The following TSEN54 variants were observed in gnomAD, a reference collection of about 807,000 sequenced individuals.
TSEN54 encodes the protein tRNA splicing endonuclease subunit 54.
A neutral mutation model predicts 61.9 loss-of-function variants in TSEN54; 55 were observed. That is an observed-to-expected ratio of 0.89 (90% CI 0.72 to 1.11). The LOEUF is 1.11. TSEN54 is among the 50% of genes most tolerant of loss of function. TSEN54 has a pLI of 0.00. For synonymous variants in TSEN54, 304 were observed against 288.7 expected (o/e 1.05, Z -0.54); for missense variants, 760 against 687.7 (o/e 1.11, Z -1.18).
Position 75,524,206 on chromosome 17 carries a change from C to G in TSEN54, c.1431-56C>G, listed in dbSNP as rs2053472871. 4 of 1,612,438 alleles carry G rather than the reference C, an allele frequency of 2.5e-6. No homozygotes were observed. In the East Asian group the frequency reaches 8.9e-5, roughly 36 times the overall value. On this transcript the variant is annotated intron_variant, in intron 10 of 10. Coordinates refer to ENST00000333213, the MANE Select transcript of TSEN54 (RefSeq NM_207346.3). ...CCGTAGAATCTCTTCTCTGGGAGCC[C>G]TAGAGCTTAGGAGTGGGCTATGGCT...
chr17:75,520,673 A>T (rs1598476536), intron 6 of TSEN54, among the ~76,000 whole-genome samples: 1 of 152,034 alleles, frequency 6.6e-6, no homozygotes, highest in East Asian at 1.9e-4. Context: ...CACAGCCAGG[A>T]GGCCAGGCAC....
At position 75,521,950 on chromosome 17, in the gene TSEN54, G is replaced by T. The variant is rs1568003356; in HGVS notation, c.869G>T (p.Gly290Val). Reference protein sequence around the residue: ...ESGRAENGVTGAGKRRWNFEQ... With the variant: ...ESGRAENGVTVAGKRRWNFEQ... The stretch of plus-strand genomic sequence containing the variant: ...GGCAGAGCCGAGAACGGAGTCACGG[G>T]AGCCGGTAAGCGGCGCTGGAACTTC... Residue 290 changes from glycine (G) to valine (V), a missense_variant, in exon 8 of 11, where the codon GGA (glycine) becomes GTA (valine). Physicochemically the swap from Gly to Val is moderately radical, Grantham distance 109. This residue lies in a region of TSEN54 where 667 missense variants were observed against 577.8 expected (regional missense o/e 1.15). Coordinates refer to ENST00000333213, the MANE Select transcript of TSEN54 (RefSeq NM_207346.3). 2.5e-6 allele frequency: 4 copies of T among 1,610,654 alleles called. No individual in the cohort carries two copies. Among genetic ancestry groups the T allele is most frequent in the Non-Finnish European group, 3.4e-6 (4 of 1,179,190 alleles).
intron 5 of TSEN54, chr17:75,518,771 C>T: frequency 9.1e-6 from 9 of 985,306 alleles, no homozygotes; most frequent in Non-Finnish European, 9.6e-6. Context: ...GGCTAAATGT[C>T]ATTTGTGCCG....
At chr17:75,518,466 G>A in intron 5 of TSEN54, 1 of 954,000 alleles carries the variant, frequency 1.0e-6, no homozygotes, top group Non-Finnish European at 1.2e-6. Flanking sequence ...GGTCTTTCAA[G>A]GAGGAAGTGG....
In TSEN54 at chr17:75,521,695, C is replaced by G. The variant is rs368876457; in HGVS notation, c.624-10C>G. 13 of 1,612,772 alleles carry G rather than the reference C, an allele frequency of 8.1e-6. No individual in the cohort carries two copies. Among genetic ancestry groups the G allele is most frequent in the South Asian group, 3.3e-5 (3 of 91,054 alleles). ...GGGCAGATGTGCTGCTTTTCCCCCACGTCCCTCAGGTCCATTAATAAGAAG... is the reference window on the plus strand; with the variant it reads ...GGGCAGATGTGCTGCTTTTCCCCCAGGTCCCTCAGGTCCATTAATAAGAAG... On this transcript the variant is annotated splice_polypyrimidine_tract_variant and intron_variant, in intron 7 of 10. Transcript: ENST00000333213.
intron 7 of TSEN54, 21 bp downstream of exon 7, chr17:75,521,531 G>T: frequency 3.1e-6 from 5 of 1,610,572 alleles, no homozygotes; most frequent in Non-Finnish European, 4.2e-6. Context: ...CATCACGGTG[G>T]CCCCCCAGGG....
In TSEN54 at chr17:75,519,175, G is replaced by T. The variant is rs181992494; in HGVS notation, c.521+128G>T. 5.7e-5 allele frequency: 60 copies of T among 1,049,882 alleles called. 1 individual carries two copies. In the East Asian group the frequency reaches 1.3e-3, roughly 22 times the overall value. The allele number at this position is 1,049,882 out of a possible 1,614,324, so 65.0% of individuals were successfully genotyped here. ...GAGTGCAGTTCCTTGGGCACAGACT[G>T]GGGGCGCCTGCTGGAAGCGTTCTGA... On this transcript the variant is annotated intron_variant, in intron 6 of 10. Coordinates refer to ENST00000333213, the MANE Select transcript of TSEN54 (RefSeq NM_207346.3).
chr17:75,518,677 T>C, intron 5 of TSEN54: 1 of 985,416 alleles, frequency 1.0e-6, no homozygotes, highest in Non-Finnish European at 1.2e-6. Flanking sequence ...GCAGCTTCAC[T>C]CCTATGAGCT....
chr17:75,521,690 C>T lies in TSEN54; in HGVS notation c.624-15C>T, dbSNP rs370862311. The T allele has an allele frequency of 1.7e-5, 27 of 1,612,644 alleles. No homozygotes were observed. In the African/African-American group the frequency reaches 3.2e-4, roughly 19 times the overall value. On this transcript the variant is annotated splice_polypyrimidine_tract_variant and intron_variant, in intron 7 of 10. Transcript: ENST00000333213. ...ACCAGGGGCAGATGTGCTGCTTTTC[C>T]CCCACGTCCCTCAGGTCCATTAATA...
At chr17:75,523,895 G>C (rs2053464546) in intron 10 of TSEN54, 116 bp downstream of exon 10, 1 of 1,188,792 alleles carries the variant, frequency 8.4e-7, no homozygotes, top group Non-Finnish European at 1.2e-6. Context: ...GGAACAGGAG[G>C]TCCAGAGAGG....
intron 10 of TSEN54, 86 bp from the exon 11 acceptor site, chr17:75,524,176 T>C: frequency 6.3e-7 from 1 of 1,591,524 alleles, no homozygotes; most frequent in South Asian, 1.1e-5. Flanking sequence ...GCACCCCAAC[T>C]CCTTCCGTAG....
rs141743615 is a variant in TSEN54, at chr17:75,523,738, G to T, written c.1389G>T (p.Lys463Asn). ...CCGACGCTGTGGCCACATTCCGAAAGAATAACCCTGGCAAACCCTATGCCC... is the reference window on the plus strand; with the variant it reads ...CCGACGCTGTGGCCACATTCCGAAATAATAACCCTGGCAAACCCTATGCCC... Reference protein sequence around the residue: ...YQADAVATFRKNNPGKPYARM... With the variant: ...YQADAVATFRNNNPGKPYARM... The change falls in exon 10 of 11, where the codon AAG (lysine) becomes AAT (asparagine). Residue 463 changes from lysine to asparagine, a missense_variant. Transcript: ENST00000333213. 2 of 1,614,140 alleles carry T rather than the reference G, an allele frequency of 1.2e-6. No homozygotes were observed. Among genetic ancestry groups the T allele is most frequent in the East Asian group, 2.2e-5 (1 of 44,886 alleles).
intron 7 of TSEN54, 79 bp downstream of exon 7, chr17:75,521,589 C>T (rs2053427561): frequency 1.3e-6 from 2 of 1,573,012 alleles, no homozygotes; most frequent in South Asian, 1.1e-5. Context: ...TTCTAAGAAC[C>T]AGCAGCTCCC....
rs1598473557 is a variant in TSEN54, at chr17:75,516,920, G to C, written c.221+10G>C. On this transcript the variant is annotated intron_variant, in intron 2 of 10. Transcript: ENST00000333213. ...AGCGCGTGGAGCGCCTGTGAGAGGGGCGGGCCCAGGGGTAAGGGAAGCGGG... is the reference window on the plus strand; with the variant it reads ...AGCGCGTGGAGCGCCTGTGAGAGGGCCGGGCCCAGGGGTAAGGGAAGCGGG... 2 of 1,542,604 alleles carry C rather than the reference G, an allele frequency of 1.3e-6. No homozygotes were observed. Among genetic ancestry groups the C allele is most frequent in the Non-Finnish European group, 1.7e-6 (2 of 1,145,584 alleles).
Position 75,516,709 on chromosome 17 carries a change from A to G in TSEN54, c.57-37A>G, listed in dbSNP as rs553093656. The G allele has an allele frequency of 5.3e-5, 72 of 1,360,822 alleles. No homozygotes were observed. The African/African-American group carries it at 7.9e-4, about 15-fold the overall frequency. 84.3% of individuals were successfully genotyped at this position (1,360,822 alleles called of 1,614,324 possible). A position where few individuals can be genotyped will look rare whatever the true frequency, so the allele number is the denominator to read the frequency against. On this transcript the variant is annotated intron_variant, in intron 1 of 10. Transcript: ENST00000333213. ...CCGGGACCCGGCCAGGCGGCCCCCGATGCGCGGCGCTGACCCCGCGTCCCC... is the reference window on the plus strand; with the variant it reads ...CCGGGACCCGGCCAGGCGGCCCCCGGTGCGCGGCGCTGACCCCGCGTCCCC...
At chr17:75,522,792 A>T in intron 8 of TSEN54, 1 of 273,848 alleles carries the variant, frequency 3.7e-6, no homozygotes, top group South Asian at 4.5e-5. Flanking sequence ...GTAACTAGAT[A>T]GGGTTGCCAG....
chr17:75,518,903 A>T (rs2053400294), intron 5 of TSEN54, 92 bp from the exon 6 acceptor site: 1 of 1,603,114 alleles, frequency 6.2e-7, no homozygotes, highest in Non-Finnish European at 8.5e-7. Context: ...GGAGGGGCAG[A>T]GAGGGCTGTG....
chr17:75,522,769 C>T (rs1133934), intron 8 of TSEN54: 50,040 of 285,312 alleles, frequency 0.18, 5,189 homozygotes, highest in African/African-American at 0.3. Flanking sequence ...TATGGGAACA[C>T]GGTAGATTGT....
At chr17:75,523,248 A>G in intron 8 of TSEN54, 27 bp from the exon 9 acceptor site, 1 of 1,614,086 alleles carries the variant, frequency 6.2e-7, no homozygotes, top group South Asian at 1.1e-5. Flanking sequence ...TCCCCTCCCC[A>G]GTACCTTGTT....
Sources: allele counts gnomAD v4.1 joint callset (sites outside exome capture counted in the v4.1 genomes callset), GRCh38; gene constraint gnomAD v4.1.1; regional missense constraint gnomAD v4.1.1; transcripts MANE v1.5; gene names NCBI Gene and HGNC (gene_info 2026-07-23, HGNC 2026-07-21).